SWI5: variants seen among roughly 807,000 people sequenced by gnomAD.
The protein encoded by SWI5 is SWI5 homologous recombination repair protein.
In SWI5, 12 loss-of-function variants were observed where a neutral mutation model predicts 17.0. The ratio of observed to expected loss-of-function variants is 0.71; its 90% CI spans 0.45 to 1.14. SWI5 has a LOEUF of 1.14. SWI5 is among the 50% of genes most tolerant of loss of function. The pLI is 0.00. For synonymous variants in SWI5, 61 were observed against 64.0 expected (o/e 0.95, Z 0.22); for missense variants, 158 against 162.2 (o/e 0.97, Z 0.14).
chr9:128,276,779 C>T (rs1204340747), intron 2 of SWI5, 24 bp downstream of exon 2: 1 of 1,593,438 alleles, frequency 6.3e-7, no homozygotes, highest in Non-Finnish European at 8.6e-7. Context: ...CCCCCACACC[C>T]CCTTTCCCAT....
At chr9:128,288,628 T>G (rs1831685906) in intron 4 of SWI5, 24 bp from the exon 5 acceptor site, 2 of 1,613,958 alleles carry the variant, frequency 1.2e-6, no homozygotes, top group East Asian at 2.2e-5. Context: ...CACTGCACAT[T>G]CAGCCTGCCT....
upstream of SWI5, chr9:128,276,037 G>GCCAGAGGAGGCGTAA (rs1411936323): frequency 1.1e-4 from 173 of 1,589,298 alleles, no homozygotes; most frequent in Non-Finnish European, 1.5e-4. Context: ...GTGCGACGGA[G>GCCAGAGGAGGCGTAA]CCAGAGGAGG....
chr9:128,287,056 G>T (rs960610878), intron 4 of SWI5, among the ~76,000 whole-genome samples: 3 of 148,782 alleles, frequency 2.0e-5, no homozygotes, highest in Non-Finnish European at 4.4e-5. Flanking sequence ...CAGGAGACTC[G>T]CTTGAACCCG....
chr9:128,284,885 G>C (rs1049739401), intron 3 of SWI5, among the ~76,000 whole-genome samples: 1 of 148,556 alleles, frequency 6.7e-6, no homozygotes, highest in Non-Finnish European at 1.5e-5. Flanking sequence ...AAACCTGGGA[G>C]ATGGAGGTTG....
At chr9:128,282,752 A>G (rs922368006) in intron 2 of SWI5, among the ~76,000 whole-genome samples, 7 of 152,276 alleles carry the variant, frequency 4.6e-5, no homozygotes, top group African/African-American at 9.6e-5. Flanking sequence ...TTCTTGTATC[A>G]TGTGTAGACA....
chr9:128,288,164 AG>A (rs1831677648), intron 4 of SWI5, among the ~76,000 whole-genome samples: 1 of 152,150 alleles, frequency 6.6e-6, no homozygotes, highest in Non-Finnish European at 1.5e-5. Flanking sequence ...ACCCTTCCTC[AG>A]GAGAAAGGAC....
chr9:128,278,882 C>CCAGGCT (rs1831485488), intron 2 of SWI5, among the ~76,000 whole-genome samples: 1 of 152,026 alleles, frequency 6.6e-6, no homozygotes, highest in Non-Finnish European at 1.5e-5. Context: ...AAGTGATTCT[C>CCAGGCT]CAGCCTCAGC....
upstream of SWI5, among the ~76,000 whole-genome samples, chr9:128,275,740 G>C (rs1441715813): frequency 6.6e-6 from 1 of 152,110 alleles, no homozygotes; most frequent in Admixed American, 6.5e-5. Context: ...GAGGGGGCGG[G>C]GCTGGCTGAC....
At chr9:128,281,514 A>G (rs1325637865) in intron 2 of SWI5, among the ~76,000 whole-genome samples, 1 of 152,188 alleles carries the variant, frequency 6.6e-6, no homozygotes, top group Non-Finnish European at 1.5e-5. Context: ...GGGTCAGTCC[A>G]GTTGCCCTGT....
At chr9:128,277,280 A>G (rs1335791749) in intron 2 of SWI5, among the ~76,000 whole-genome samples, 2 of 152,116 alleles carry the variant, frequency 1.3e-5, no homozygotes, top group Non-Finnish European at 2.9e-5. Flanking sequence ...GGCCGGGTGC[A>G]GTGGCTCACA....
At position 128,276,304 on chromosome 9, in the gene SWI5, C is replaced by T. The variant is rs771174251; in HGVS notation, c.-37C>T. On this transcript the variant is annotated 5_prime_UTR_variant, in exon 1 of 5. Coordinates refer to ENST00000418976, the Ensembl canonical transcript of SWI5. ...TCACACTCCGGGTCAGAGTTCCTGG[C>T]CCGGTGCACCTGAGAGGTCGCTCTC... 15 of 1,612,858 alleles carry T rather than the reference C, an allele frequency of 9.3e-6. No individual in the cohort carries two copies. The South Asian group carries it at 1.4e-4, about 15-fold the overall frequency.
intron 1 of SWI5, 35 bp downstream of exon 1, chr9:128,276,437 G>T: frequency 1.2e-6 from 2 of 1,607,170 alleles, no homozygotes; most frequent in Non-Finnish European, 1.7e-6. Context: ...TTTCTTTCCT[G>T]ACTCCTCACA....
intron 2 of SWI5, among the ~76,000 whole-genome samples, chr9:128,277,129 T>G (rs1332408149): frequency 6.6e-6 from 1 of 152,100 alleles, no homozygotes; most frequent in East Asian, 1.9e-4. Context: ...ATGCTTGGCG[T>G]TCACCCTGGC....
chr9:128,283,300 C>T (rs1205129950), intron 2 of SWI5, among the ~76,000 whole-genome samples: 1 of 151,914 alleles, frequency 6.6e-6, no homozygotes, highest in African/African-American at 2.4e-5. Context: ...CCAGCCTGGA[C>T]AACAAGAGTG....
rs1342365177 is a variant in SWI5, at chr9:128,276,699, C to T, written c.63-8C>T. On this transcript the variant is annotated splice_polypyrimidine_tract_variant and splice_region_variant and intron_variant, in intron 1 of 4. Transcript: ENST00000418976. Reference sequence around the variant, plus strand: ...CCAATCAGACTTTCCCCTCGGATTCCTCTCTAGGACTGAACCAAGACTTAC... The same window carrying T: ...CCAATCAGACTTTCCCCTCGGATTCTTCTCTAGGACTGAACCAAGACTTAC... 1 of 1,614,050 alleles carries T rather than the reference C, an allele frequency of 6.2e-7. No individual in the cohort carries two copies. The highest frequency in any genetic ancestry group is 8.5e-7 in the Non-Finnish European group (1 of 1,179,990).
chr9:128,280,051 T>C (rs1831509492), intron 2 of SWI5, among the ~76,000 whole-genome samples: 1 of 152,218 alleles, frequency 6.6e-6, no homozygotes, highest in South Asian at 2.1e-4. Context: ...ATACTAATGA[T>C]TGATAATTGT....
In SWI5 at chr9:128,284,246, G is replaced by C. The variant is rs573904244; in HGVS notation, c.112-264G>C. On this transcript the variant is annotated intron_variant, in intron 2 of 4. Transcript: ENST00000418976. ...GGAGGTTGCAGTGAGCCAAGATCAG[G>C]TTACTGCACTCCAGTCTGGGCAACA... Among the ~76,000 whole-genome samples, 4 of 144,908 alleles carry C rather than the reference G, an allele frequency of 2.8e-5. No homozygotes were observed. In the South Asian group the frequency reaches 8.7e-4, roughly 31 times the overall value.
rs559004828 is a variant in SWI5 at position 128,279,672 on chromosome 9, G to A, written c.111+2917G>A. Among the ~76,000 whole-genome samples, 13 of 152,324 alleles carry A rather than the reference G, an allele frequency of 8.5e-5. No individual in the cohort carries two copies. In the South Asian group the frequency reaches 2.5e-3, roughly 29 times the overall value. On this transcript the variant is annotated intron_variant, in intron 2 of 4. Transcript: ENST00000418976. The stretch of plus-strand genomic sequence containing the variant: ...AGGAACATAAAAGTGGACAAGGAGC[G>A]TGACCATTGAAGCACAGCCCCACAG...
At chr9:128,275,734 G>C (rs1321570394), upstream of SWI5, among the ~76,000 whole-genome samples, 3 of 152,124 alleles carry the variant, frequency 2.0e-5, no homozygotes, top group African/African-American at 7.2e-5. Flanking sequence ...GCGGCTGAGG[G>C]GGCGGGGCTG....
Sources: gnomAD v4.1 joint callset for allele counts (sites outside exome capture counted in the v4.1 genomes callset) on GRCh38, gnomAD v4.1.1 for gene constraint, MANE v1.5 for transcripts, NCBI Gene and HGNC (gene_info 2026-07-23, HGNC 2026-07-21) for gene names.